CDH18: variants seen among roughly 807,000 people sequenced by gnomAD.
CDH18 encodes the protein cadherin 18.
A neutral mutation model predicts 67.9 loss-of-function variants in CDH18; 31 were observed. That is an observed-to-expected ratio of 0.46 (90% confidence interval 0.34 to 0.62). CDH18 has a LOEUF of 0.62. CDH18 is among the 20% of genes least tolerant of loss of function. CDH18 has a pLI of 0.01. For synonymous variants in CDH18, 362 were observed against 347.2 expected, an observed-to-expected ratio of 1.04 and a Z score of -0.48; for missense variants, 890 against 975.5, an observed-to-expected ratio of 0.91 and a Z score of 1.17.
intron 2 of CDH18, among the ~76,000 whole-genome samples, chr5:19,880,184 C>A (rs1039290774): frequency 3.3e-5 from 5 of 151,710 alleles, no homozygotes; most frequent in African/African-American, 1.2e-4. Context: ...CTAACTGACC[C>A]AAAACCACAC....
At chr5:20,165,402 G>A (rs1736207703) in intron 2 of CDH18, among the ~76,000 whole-genome samples, 1 of 151,970 alleles carries the variant, frequency 6.6e-6, no homozygotes, top group Non-Finnish European at 1.5e-5. Context: ...CTTAAATTCG[G>A]ATAACTTTAC....
At chr5:19,623,815 A>G (rs1471041197) in intron 5 of CDH18, among the ~76,000 whole-genome samples, 1 of 151,226 alleles carries the variant, frequency 6.6e-6, no homozygotes, top group Non-Finnish European at 1.5e-5. Flanking sequence ...ATCTAGTTCC[A>G]TTAGTAATGA....
At chr5:20,065,885 C>T (rs1742937647) in intron 2 of CDH18, among the ~76,000 whole-genome samples, 1 of 151,920 alleles carries the variant, frequency 6.6e-6, no homozygotes, top group Non-Finnish European at 1.5e-5. Flanking sequence ...TATTTAATAT[C>T]ATAAAGGCAA....
intron 2 of CDH18, among the ~76,000 whole-genome samples, chr5:19,868,711 C>T (rs773044474): frequency 6.6e-6 from 1 of 152,056 alleles, no homozygotes; most frequent in African/African-American, 2.4e-5. Context: ...TAAAATGAAA[C>T]GTATGTTCAT....
chr5:20,431,547 C>G (rs1240873217), intron 1 of CDH18, among the ~76,000 whole-genome samples: 1 of 149,696 alleles, frequency 6.7e-6, no homozygotes, highest in Non-Finnish European at 1.5e-5. Flanking sequence ...GAACCTCAGT[C>G]AATCACAAAG....
chr5:20,095,392 GAAGAAAGAAAGAAAGAAAGAAAGAAAGA>G lies in CDH18; in HGVS notation c.-517-103406_-517-103379del, dbSNP rs746033336. Among the ~76,000 whole-genome samples, 167 of 64,196 alleles carry G rather than the reference GAAGAAAGAAAGAAAGAAAGAAAGAAAGA, an allele frequency of 2.6e-3. No individual in the cohort carries two copies. The Middle Eastern group carries it at 0.036, about 14-fold the overall frequency. 42.1% of individuals were successfully genotyped at this position (64,196 alleles called of 152,430 possible). On this transcript the variant is annotated intron_variant, in intron 2 of 14. Transcript: ENST00000507958. ...AGAAGAAAGAAAGAAAAGAGAAACAGAAGAAAGAAAGAAAGAAAGAAAGAAAGAAAGAAAGAAAGAAAGAAAGAAAGAA... is the reference window on the plus strand; with the variant it reads ...AGAAGAAAGAAAGAAAAGAGAAACAGAAGAAAGAAAGAAAGAAAGAAAGAA...
At chr5:19,930,991 T>A (rs1220463068) in intron 2 of CDH18, among the ~76,000 whole-genome samples, 1 of 151,986 alleles carries the variant, frequency 6.6e-6, no homozygotes, top group Non-Finnish European at 1.5e-5. Flanking sequence ...TCTTGGCAGA[T>A]ATGATTTAGA....
chr5:19,563,447 T>G (rs1490388955), intron 8 of CDH18, among the ~76,000 whole-genome samples: 1 of 152,198 alleles, frequency 6.6e-6, no homozygotes, highest in Admixed American at 6.6e-5. Flanking sequence ...AATTTAACAG[T>G]CATGTGTCAT....
intron 5 of CDH18, among the ~76,000 whole-genome samples, chr5:19,674,753 CT>C (rs774073857): frequency 1.3e-5 from 2 of 152,226 alleles, no homozygotes; most frequent in South Asian, 2.1e-4. Flanking sequence ...ATTTTATAAT[CT>C]GTTGGTAGCA....
At chr5:20,357,328 C>A (rs908145091) in intron 1 of CDH18, among the ~76,000 whole-genome samples, 6 of 152,240 alleles carry the variant, frequency 3.9e-5, no homozygotes, top group Non-Finnish European at 8.8e-5. Context: ...GCAATTGTCA[C>A]TAGTTTGAAA....
At chr5:19,559,915 C>CAAA (rs754748614) in intron 8 of CDH18, among the ~76,000 whole-genome samples, 10 of 131,974 alleles carry the variant, frequency 7.6e-5, no homozygotes, top group East Asian at 2.2e-4. Context: ...ATAATAGTTG[C>CAAA]AAAAACAAAC....
intron 1 of CDH18, among the ~76,000 whole-genome samples, chr5:20,392,054 T>C (rs1172888994): frequency 6.6e-6 from 1 of 151,972 alleles, no homozygotes; most frequent in African/African-American, 2.4e-5. Context: ...AAATTTATTG[T>C]AGATAAATGT....
At chr5:19,571,157 G>A (rs1323982449) in intron 8 of CDH18, among the ~76,000 whole-genome samples, 28 of 152,178 alleles carry the variant, frequency 1.8e-4, no homozygotes, top group Admixed American at 1.7e-3. Context: ...TAAAGAGAAA[G>A]CCACACAGCT....
intron 3 of CDH18, among the ~76,000 whole-genome samples, chr5:19,807,857 A>G (rs1778194320): frequency 6.6e-6 from 1 of 152,100 alleles, no homozygotes; most frequent in African/African-American, 2.4e-5. Flanking sequence ...TTATACTTGA[A>G]TATTTATTTG....
At chr5:20,417,299 G>A (rs895073513) in intron 1 of CDH18, among the ~76,000 whole-genome samples, 1 of 152,004 alleles carries the variant, frequency 6.6e-6, no homozygotes, top group Non-Finnish European at 1.5e-5. Context: ...TGGCAACAAT[G>A]GTAATATTGT....
intron 10 of CDH18, among the ~76,000 whole-genome samples, chr5:19,508,027 A>C (rs1744493214): frequency 6.6e-6 from 1 of 151,866 alleles, no homozygotes; most frequent in Non-Finnish European, 1.5e-5. Flanking sequence ...TAATGTATGT[A>C]AGCTTCAATT....
rs116116902 is a variant in CDH18 at position 20,342,516 on chromosome 5, G to A, written c.-579-87011C>T. On this transcript the variant is annotated intron_variant, in intron 1 of 14. Transcript: ENST00000507958. ...CTTCTACACCCATAACTAAAGTCCC[G>A]GCAGGACCCTAGAGGTAAAGTTGAG... is the stretch of plus-strand genomic sequence containing the variant. Among the ~76,000 whole-genome samples, 1,011 of 152,194 alleles carry A rather than the reference G, an allele frequency of 6.6e-3. 7 individuals carry two copies. Among genetic ancestry groups the A allele is most frequent in the African/African-American group, 0.023 (948 of 41,526 alleles).
intron 2 of CDH18, among the ~76,000 whole-genome samples, chr5:20,184,598 C>G (rs1347051162): frequency 6.6e-6 from 1 of 152,054 alleles, no homozygotes; most frequent in Non-Finnish European, 1.5e-5. Context: ...ACTCACACCA[C>G]AGGGTGATTC....
At chr5:19,494,550 T>C (rs1436225329) in intron 11 of CDH18, among the ~76,000 whole-genome samples, 2 of 152,208 alleles carry the variant, frequency 1.3e-5, no homozygotes, top group Admixed American at 1.3e-4. Context: ...TTGAATTGTA[T>C]CATCTTACCA....
Sources: gnomAD v4.1 joint callset for allele counts (sites outside exome capture counted in the v4.1 genomes callset) on GRCh38, gnomAD v4.1.1 for gene constraint, MANE v1.5 for transcripts, NCBI Gene and HGNC (gene_info 2026-07-23, HGNC 2026-07-21) for gene names.